ZNF544: variants seen among roughly 807,000 people sequenced by gnomAD.
ZNF544 encodes zinc finger protein AF020591.
ZNF544 carries 10 observed loss-of-function variants against 13.5 expected under a neutral mutation model. That is an observed-to-expected ratio of 0.74 (90% CI 0.46 to 1.25). The LOEUF is 1.25. ZNF544 is among the 50% of genes most tolerant of loss of function. ZNF544 has a pLI of 0.00. For synonymous variants in ZNF544, 323 were observed against 300.5 expected (o/e 1.07, Z -0.77); for missense variants, 896 against 845.6 (o/e 1.06, Z -0.74).
chr19:58,260,803 C>T, intron 6 of ZNF544, 48 bp from the exon 7 acceptor site: 1 of 1,496,532 alleles, frequency 6.7e-7, no homozygotes, highest in South Asian at 1.4e-5. Context: ...CCTCCCCCTC[C>T]CCCTCTGATG....
downstream of ZNF544, among the ~76,000 whole-genome samples, chr19:58,267,977 T>C (rs1340027157): frequency 1.3e-5 from 2 of 148,522 alleles, no homozygotes; most frequent in African/African-American, 5.0e-5. Context: ...CGAGACTGCG[T>C]TTCAAAAAAA....
intron 5 of ZNF544, among the ~76,000 whole-genome samples, chr19:58,273,506 G>T (rs991317587): frequency 6.6e-6 from 1 of 151,714 alleles, no homozygotes; most frequent in Non-Finnish European, 1.5e-5. Flanking sequence ...CTGGCCAACA[G>T]GCCGAAACCC....
Position 58,263,160 on chromosome 19 carries a change from C to CT in ZNF544, c.*407dup. 1.0e-6 allele frequency: 1 copy of CT among 1,000,250 alleles called. No homozygotes were observed. Among genetic ancestry groups the CT allele is most frequent in the Non-Finnish European group, 1.2e-6 (1 of 838,204 alleles). 62.0% of individuals were successfully genotyped at this position (1,000,250 alleles called of 1,614,324 possible). ...TGAGAAAGCTCATGGGCAAGAAACTCTATGAATAACCAAGATGGAGCCGGG... is the reference window on the plus strand; with the variant it reads ...TGAGAAAGCTCATGGGCAAGAAACTCTTATGAATAACCAAGATGGAGCCGGG... On this transcript the variant is annotated 3_prime_UTR_variant, in exon 7 of 7. Coordinates refer to ENST00000687789, the MANE Select transcript of ZNF544 (RefSeq NM_014480.4).
intron 6 of ZNF544, among the ~76,000 whole-genome samples, chr19:58,254,401 G>C (rs754426789): frequency 4.6e-5 from 7 of 152,202 alleles, no homozygotes; most frequent in Non-Finnish European, 1.0e-4. Flanking sequence ...CGTTGAGGAT[G>C]CAGCCAAGCA....
chr19:58,260,681 A>C, intron 6 of ZNF544, 170 bp from the exon 7 acceptor site: 2 of 614,978 alleles, frequency 3.3e-6, no homozygotes, highest in Non-Finnish European at 5.5e-6. Context: ...TACCACTGAT[A>C]CCATGTTTGC....
At chr19:58,276,132 G>A (rs975269034) in intron 5 of ZNF544, among the ~76,000 whole-genome samples, 1 of 152,066 alleles carries the variant, frequency 6.6e-6, no homozygotes, top group African/African-American at 2.4e-5. Context: ...AGCCAAGATT[G>A]CAGCACTGCA....
In ZNF544 at chr19:58,243,989, C is replaced by A; in HGVS notation, c.-35C>A. 1 of 1,601,558 alleles carries A rather than the reference C, an allele frequency of 6.2e-7. No individual in the cohort carries two copies. Among genetic ancestry groups the A allele is most frequent in the Non-Finnish European group, 8.5e-7 (1 of 1,173,756 alleles). On this transcript the variant is annotated 5_prime_UTR_variant, in exon 4 of 7. Coordinates refer to ENST00000687789, the MANE Select transcript of ZNF544 (RefSeq NM_014480.4). ...GACTGGTCTTCTGAGGACCTCTGCC[C>A]TCTACACAGCGGCCTCTTCAGGTGC...
intron 6 of ZNF544, among the ~76,000 whole-genome samples, chr19:58,254,973 C>T (rs1194228693): frequency 6.6e-6 from 1 of 151,560 alleles, no homozygotes; most frequent in South Asian, 2.1e-4. Flanking sequence ...CTGCAAGCTC[C>T]GCCTCCCGGG....
At chr19:58,242,233 A>C (rs545185635) in intron 3 of ZNF544, 232 of 985,160 alleles carry the variant, frequency 2.4e-4, no homozygotes, top group Non-Finnish European at 2.7e-4. Context: ...TCCTGGCCAG[A>C]GTGAGTCCCC....
intron 6 of ZNF544, chr19:58,251,189 C>A: frequency 2.7e-6 from 1 of 372,102 alleles, no homozygotes; most frequent in Non-Finnish European, 5.4e-6. Context: ...TAGAAGAAAG[C>A]AATTAAATTG....
chr19:58,245,074 A>G (rs2147041825), intron 4 of ZNF544, among the ~76,000 whole-genome samples: 1 of 151,806 alleles, frequency 6.6e-6, no homozygotes, highest in East Asian at 2.0e-4. Flanking sequence ...CGGCCTCCCA[A>G]GTAGCTGGGA....
rs1367564474 is a variant in ZNF544, at chr19:58,261,342, G to A, written c.736G>A (p.Val246Ile). ...TGKKNPYEYI[V>I]SGDSLNYGSS... ...AAAGAAAAACCCTTATGAATATATTGTCAGTGGTGACTCTCTCAACTATGG... is the reference window on the plus strand; with the variant it reads ...AAAGAAAAACCCTTATGAATATATTATCAGTGGTGACTCTCTCAACTATGG... The change falls in exon 7 of 7, where the codon GTC becomes ATC. Residue 246 changes from valine (V) to isoleucine (I), a missense_variant. Physicochemically the swap from Val to Ile is conservative, Grantham distance 29. Transcript: ENST00000687789. The A allele has an allele frequency of 1.2e-6, 2 of 1,614,152 alleles. No homozygotes were observed. The highest frequency in any genetic ancestry group is 1.1e-5 in the South Asian group (1 of 91,082).
At chr19:58,247,750 T>G (rs1045042577) in intron 6 of ZNF544, 21 of 152,120 alleles carry the variant, frequency 1.4e-4, no homozygotes, top group African/African-American at 4.8e-4. Flanking sequence ...CCCAGGCTAA[T>G]AGACTTTATT....
chr19:58,234,144 C>T (rs1354187384), intron 3 of ZNF544, among the ~76,000 whole-genome samples: 2 of 152,184 alleles, frequency 1.3e-5, no homozygotes, highest in African/African-American at 4.8e-5. Context: ...CTACATAAGC[C>T]CAGCAATGCC....
chr19:58,276,244 C>T, intron 5 of ZNF544: 1 of 642,066 alleles, frequency 1.6e-6, no homozygotes, highest in Non-Finnish European at 2.2e-6. Flanking sequence ...CTTTGCACAC[C>T]TGCCCCTACC....
intron 3 of ZNF544, among the ~76,000 whole-genome samples, chr19:58,236,744 C>CT (rs112780440): frequency 0.17 from 23,193 of 139,788 alleles, 2,158 homozygotes; most frequent in East Asian, 0.35. Context: ...TTCTGTGAAA[C>CT]TTTTTTTTTT....
At position 58,261,614 on chromosome 19, in the gene ZNF544, C is replaced by G. The variant is rs1375402694; in HGVS notation, c.1008C>G (p.Pro336=). The G allele has an allele frequency of 6.2e-7, 1 of 1,614,228 alleles. No homozygotes were observed. Among genetic ancestry groups the G allele is most frequent in the South Asian group, 1.1e-5 (1 of 91,084 alleles). The change falls in exon 7 of 7, where the codon CCC becomes CCG. Residue 336 remains proline, a synonymous_variant. Transcript: ENST00000687789. ...FRCEERCAAF[P]MASSFSDCNI... ...GTGAGGAACGCTGTGCTGCCTTCCC[C>G]ATGGCCTCATCTTTTTCTGACTGTA...
chr19:58,234,842 A>T (rs2042059482), intron 3 of ZNF544, among the ~76,000 whole-genome samples: 1 of 152,224 alleles, frequency 6.6e-6, no homozygotes, highest in Admixed American at 6.5e-5. Flanking sequence ...CAGTGATTAC[A>T]GCTATTACAA....
At chr19:58,253,083 G>T (rs1049353098) in intron 6 of ZNF544, among the ~76,000 whole-genome samples, 1 of 152,214 alleles carries the variant, frequency 6.6e-6, no homozygotes, top group African/African-American at 2.4e-5. Context: ...CTCCCAAAGT[G>T]CTGGGATTAT....
Sources: allele counts gnomAD v4.1 joint callset (sites outside exome capture counted in the v4.1 genomes callset), GRCh38; gene constraint gnomAD v4.1.1; transcripts MANE v1.5; gene names NCBI Gene and HGNC (gene_info 2026-07-23, HGNC 2026-07-21).